Variants in PRDM2 observed in about 807,000 individuals in gnomAD.
PRDM2 encodes PR domain zinc finger protein 2.
Under a neutral mutation model 130.0 loss-of-function variants are expected in PRDM2, and 30 were observed. The observed-to-expected ratio is 0.23, with a 90% CI of 0.17 to 0.31. PRDM2 has a LOEUF of 0.31. Among genes scored for constraint, PRDM2 ranks in the 10% least tolerant of loss-of-function variants. The probability of loss-of-function intolerance (pLI) is 1.00; values close to 1 mark genes in which losing one functional copy is unlikely to be tolerated. For synonymous variants in PRDM2, 871 were observed against 782.4 expected (o/e 1.11, Z -1.89); for missense variants, 2,011 against 2,108.4 (o/e 0.95, Z 0.90).
intron 5 of PRDM2, among the ~76,000 whole-genome samples, chr1:13,743,924 T>A (rs1643528218): frequency 6.6e-6 from 1 of 152,192 alleles, no homozygotes; most frequent in Admixed American, 6.5e-5. Flanking sequence ...TCTACAATTT[T>A]CTTATATAGG....
In PRDM2 at chr1:13,823,350, C is replaced by T; in HGVS notation, c.*215C>T. Reference sequence around the variant, plus strand: ...GTGGTCTTCAAACGAGGGTCCCGATCCCCGGGGCGGCAGGAAGGGGGCCGA... The same window carrying T: ...GTGGTCTTCAAACGAGGGTCCCGATTCCCGGGGCGGCAGGAAGGGGGCCGA... On this transcript the variant is annotated 3_prime_UTR_variant, in exon 10 of 10. Transcript: ENST00000311066. The T allele has an allele frequency of 1.4e-6, 1 of 739,224 alleles. No homozygotes were observed. The highest frequency in any genetic ancestry group is 1.7e-5 in the South Asian group (1 of 58,694). 45.8% of individuals were successfully genotyped at this position (739,224 alleles called of 1,614,324 possible).
chr1:13,784,761 G>A lies in PRDM2; in HGVS notation c.5036+1930G>A, dbSNP rs115884065. On this transcript the variant is annotated intron_variant, in intron 8 of 9. Transcript: ENST00000311066. ...CCTAAAAGGAAGCACAGAAGAATCA[G>A]ATAAGAAAACACTGGTATTGTCCTA... is the stretch of plus-strand genomic sequence containing the variant. 3.0e-3 allele frequency among the ~76,000 whole-genome samples: 464 copies of A among 152,320 alleles called. 1 individual carries two copies. The highest frequency in any genetic ancestry group is 4.7e-3 in the Non-Finnish European group (317 of 68,024).
At chr1:13,710,477 T>C (rs561570071) in intron 1 of PRDM2, among the ~76,000 whole-genome samples, 126 of 152,352 alleles carry the variant, frequency 8.3e-4, no homozygotes, top group African/African-American at 2.9e-3. Flanking sequence ...TGTCTAGAAC[T>C]TGAAAGCAAT....
At chr1:13,709,936 G>T (rs916944805) in intron 1 of PRDM2, among the ~76,000 whole-genome samples, 20 of 152,116 alleles carry the variant, frequency 1.3e-4, no homozygotes, top group Non-Finnish European at 2.5e-4. Context: ...CCCTGCCAGA[G>T]ATCTAAAGTG....
At chr1:13,729,099 T>G (rs1244219361) in intron 2 of PRDM2, among the ~76,000 whole-genome samples, 1 of 152,186 alleles carries the variant, frequency 6.6e-6, no homozygotes, top group African/African-American at 2.4e-5. Flanking sequence ...AATTCCCTGC[T>G]CTGTGTGGAG....
At chr1:13,739,333 C>T (rs1412276205) in intron 4 of PRDM2, among the ~76,000 whole-genome samples, 1 of 152,142 alleles carries the variant, frequency 6.6e-6, no homozygotes, top group Non-Finnish European at 1.5e-5. Flanking sequence ...CAGGCGTGAA[C>T]CACCGTGCCT....
At position 13,780,954 on chromosome 1, in the gene PRDM2, T is replaced by A; in HGVS notation, c.3159T>A (p.Ser1053=). ...AASPGPPTLS[S]SSSSSSSSSS... ...CACCCGGGCCTCCAACACTTTCTTC[T>A]TCCTCCTCTTCATCTTCCTCCTCCT... Residue 1053 remains serine, a synonymous_variant, in exon 8 of 10, where the codon TCT becomes TCA. Coordinates refer to ENST00000311066, the MANE Select transcript of PRDM2 (RefSeq NM_001393986.1). The A allele has an allele frequency of 6.2e-7, 1 of 1,607,122 alleles. No individual in the cohort carries two copies. The highest frequency in any genetic ancestry group is 8.5e-7 in the Non-Finnish European group (1 of 1,173,918).
chr1:13,721,153 C>A (rs1433689947), intron 2 of PRDM2, among the ~76,000 whole-genome samples: 1 of 152,162 alleles, frequency 6.6e-6, no homozygotes. Flanking sequence ...GGTCTTTATA[C>A]TGTTTCTGAG....
intron 1 of PRDM2, among the ~76,000 whole-genome samples, chr1:13,705,805 A>G (rs1642191284): frequency 6.6e-6 from 1 of 151,880 alleles, no homozygotes; most frequent in African/African-American, 2.4e-5. Flanking sequence ...AACATGGTGA[A>G]ACCCCATCTC....
chr1:13,704,966 G>A (rs561105315), intron 1 of PRDM2: 2 of 152,222 alleles, frequency 1.3e-5, no homozygotes, highest in Non-Finnish European at 2.9e-5. Flanking sequence ...GGAGTTTTCA[G>A]AAGTATGGCT....
Position 13,731,112 on chromosome 1 carries a change from G to A in PRDM2, c.122G>A (p.Arg41Gln), listed in dbSNP as rs1569780779. 1 of 1,612,214 alleles carries A rather than the reference G, an allele frequency of 6.2e-7. No homozygotes were observed. Among genetic ancestry groups the A allele is most frequent in the Non-Finnish European group, 8.5e-7 (1 of 1,179,058 alleles). Residue 41 changes from arginine to glutamine, a missense_variant, in exon 3 of 10, where the codon CGG becomes CAG. This residue lies in a region of PRDM2 where 79 missense variants were observed against 93.6 expected (regional missense o/e 0.84). Coordinates refer to ENST00000311066, the MANE Select transcript of PRDM2 (RefSeq NM_001393986.1). Reference sequence around the variant, plus strand: ...TTCCCTTCTGCTGTTGACAAGACCCGGATTGGTGAGTGCTCCTCCTGTCAC... The same window carrying A: ...TTCCCTTCTGCTGTTGACAAGACCCAGATTGGTGAGTGCTCCTCCTGTCAC... ...RLFPSAVDKT[R>Q]IGVWATKPIL...
intron 1 of PRDM2, among the ~76,000 whole-genome samples, chr1:13,707,359 G>A (rs1642241319): frequency 6.6e-6 from 1 of 152,138 alleles, no homozygotes; most frequent in Admixed American, 6.5e-5. Context: ...ATCTGCATTG[G>A]CAACTCCAGT....
At chr1:13,762,750 G>C (rs1207756064) in intron 6 of PRDM2, among the ~76,000 whole-genome samples, 2 of 152,228 alleles carry the variant, frequency 1.3e-5, no homozygotes, top group Non-Finnish European at 2.9e-5. Context: ...AGCAAGGCCA[G>C]GTCCACAGCG....
intron 8 of PRDM2, chr1:13,786,546 A>G (rs750118564): frequency 6.2e-7 from 1 of 1,608,920 alleles, no homozygotes; most frequent in Non-Finnish European, 8.5e-7. Flanking sequence ...CCAAAACAAA[A>G]CAAACCTTAA....
In PRDM2 at chr1:13,778,767, A is replaced by C; in HGVS notation, c.972A>C (p.Lys324Asn). The change falls in exon 8 of 10, where the codon AAA becomes AAC. Residue 324 changes from lysine (K) to asparagine (N), a missense_variant. Transcript: ENST00000311066. ...CAGAAGATTTATTAGAGGAACCAAA[A>C]ACAACTTCAGAAGAAACTCTTGAAG... ...EKPEDLLEEPKTTSEETLEDC... is the reference protein window; with the variant it reads ...EKPEDLLEEPNTTSEETLEDC... The C allele has an allele frequency of 6.2e-7, 1 of 1,614,092 alleles. No homozygotes were observed. The highest frequency in any genetic ancestry group is 8.5e-7 in the Non-Finnish European group (1 of 1,180,028).
At chr1:13,713,009 C>T (rs2100406519) in intron 1 of PRDM2, among the ~76,000 whole-genome samples, 1 of 152,120 alleles carries the variant, frequency 6.6e-6, no homozygotes, top group South Asian at 2.1e-4. Flanking sequence ...CTCGCTTTTG[C>T]TTCCACCTCC....
chr1:13,722,136 A>C (rs1412968341), intron 2 of PRDM2, among the ~76,000 whole-genome samples: 1 of 152,226 alleles, frequency 6.6e-6, no homozygotes, highest in African/African-American at 2.4e-5. Flanking sequence ...GGGCTATTAC[A>C]GAAAGCTCCT....
chr1:13,766,746 T>C (rs1389877242), intron 6 of PRDM2, among the ~76,000 whole-genome samples: 2 of 152,208 alleles, frequency 1.3e-5, no homozygotes, highest in Non-Finnish European at 2.9e-5. Flanking sequence ...ATTTTATCCT[T>C]CAGAGTTGGA....
At chr1:13,709,386 C>A (rs1642301425) in intron 1 of PRDM2, among the ~76,000 whole-genome samples, 1 of 152,158 alleles carries the variant, frequency 6.6e-6, no homozygotes, top group Non-Finnish European at 1.5e-5. Context: ...TGGTAGTTTT[C>A]TATGACAATG....
Sources: gnomAD v4.1 joint callset for allele counts (sites outside exome capture counted in the v4.1 genomes callset) on GRCh38, gnomAD v4.1.1 for gene constraint, gnomAD v4.1.1 regional missense constraint, MANE v1.5 for transcripts, NCBI Gene and HGNC (gene_info 2026-07-23, HGNC 2026-07-21) for gene names.